The following RIMS2 variants were observed in gnomAD, a reference collection of about 807,000 sequenced individuals.
The protein encoded by RIMS2 is regulating synaptic membrane exocytosis 2, also known as regulating synaptic membrane exocytosis protein 2.
In RIMS2, 59 loss-of-function variants were observed where a neutral mutation model predicts 174.4. That is an observed-to-expected ratio of 0.34 (90% CI 0.27 to 0.42). RIMS2 has a LOEUF of 0.42. RIMS2 is among the 10% of genes least tolerant of loss of function. The pLI, the probability that RIMS2 is intolerant of heterozygous loss-of-function variation, is 1.00. For synonymous variants in RIMS2, 606 were observed against 572.5 expected (o/e 1.06, Z -0.84); for missense variants, 1,620 against 1,666.3 (o/e 0.97, Z 0.48).
chr8:103,604,292 A>G (rs535831620), intron 1 of RIMS2, among the ~76,000 whole-genome samples: 1 of 151,686 alleles, frequency 6.6e-6, no homozygotes, highest in East Asian at 1.9e-4. Flanking sequence ...CAGGTTTGTC[A>G]AAGATCAGAT....
rs181632838 is a variant in RIMS2, at chr8:104,133,487, A to T, written c.3335-111429A>T. 2.5e-3 allele frequency among the ~76,000 whole-genome samples: 376 copies of T among 152,320 alleles called. 2 individuals carry two copies. The highest frequency in any genetic ancestry group is 7.9e-3 in the African/African-American group (327 of 41,584). On this transcript the variant is annotated intron_variant, in intron 19 of 23. Coordinates refer to ENST00000504942, the Ensembl canonical transcript of RIMS2. The stretch of plus-strand genomic sequence containing the variant: ...AGACTGGTATTTGGAAGATAAGGGA[A>T]TTCCTTCTGATATTTTATATTTTAT...
At chr8:103,677,891 C>G (rs1370476096) in intron 1 of RIMS2, among the ~76,000 whole-genome samples, 2 of 151,996 alleles carry the variant, frequency 1.3e-5, no homozygotes, top group Non-Finnish European at 2.9e-5. Flanking sequence ...AGGTGCTTGC[C>G]TTATTTATTT....
At chr8:104,145,127 G>A (rs1021285619) in intron 19 of RIMS2, among the ~76,000 whole-genome samples, 5 of 151,026 alleles carry the variant, frequency 3.3e-5, no homozygotes, top group Non-Finnish European at 5.9e-5. Flanking sequence ...GTCTTATTTT[G>A]TTTTGTTTTT....
intron 2 of RIMS2, among the ~76,000 whole-genome samples, chr8:103,711,148 A>G (rs35880303): frequency 0.18 from 26,779 of 152,046 alleles, 2,561 homozygotes; most frequent in African/African-American, 0.24. Context: ...CAATTGTTCT[A>G]TTTTTCAAAA....
chr8:104,149,629 GACAA>G (rs2098673011), intron 19 of RIMS2, among the ~76,000 whole-genome samples: 1 of 152,048 alleles, frequency 6.6e-6, no homozygotes, highest in South Asian at 2.1e-4. Flanking sequence ...TCTTCTACTT[GACAA>G]ACAAATGCAT....
intron 1 of RIMS2, among the ~76,000 whole-genome samples, chr8:103,544,776 A>G (rs1345946119): frequency 6.6e-6 from 1 of 152,218 alleles, no homozygotes; most frequent in African/African-American, 2.4e-5. Flanking sequence ...CAGTAATCGG[A>G]GGGGGCTCCT....
chr8:103,808,062 T>C (rs1285046631), intron 3 of RIMS2, among the ~76,000 whole-genome samples: 1 of 152,164 alleles, frequency 6.6e-6, no homozygotes, highest in Non-Finnish European at 1.5e-5. Flanking sequence ...ATTCCTAGAC[T>C]ACATTTCATA....
intron 19 of RIMS2, among the ~76,000 whole-genome samples, chr8:104,171,173 A>G (rs2098830039): frequency 6.6e-6 from 1 of 152,108 alleles, no homozygotes; most frequent in Non-Finnish European, 1.5e-5. Flanking sequence ...TTTTGTATTT[A>G]GATGTCCAGA....
chr8:104,201,716 G>A (rs984391388), intron 19 of RIMS2, among the ~76,000 whole-genome samples: 2 of 152,128 alleles, frequency 1.3e-5, no homozygotes, highest in Admixed American at 6.5e-5. Flanking sequence ...ATATAAAAAT[G>A]GGTTCGGGGC....
intron 19 of RIMS2, among the ~76,000 whole-genome samples, chr8:104,138,870 T>C (rs1268900091): frequency 1.3e-5 from 2 of 152,152 alleles, no homozygotes; most frequent in Admixed American, 6.5e-5. Flanking sequence ...GTTTCCCCAA[T>C]GTTTTCTTTT....
At chr8:103,943,520 A>G (rs893159051) in intron 14 of RIMS2, among the ~76,000 whole-genome samples, 2 of 152,192 alleles carry the variant, frequency 1.3e-5, no homozygotes, top group Non-Finnish European at 2.9e-5. Context: ...ATTAGTCTCA[A>G]TAATATAAAC....
intron 19 of RIMS2, among the ~76,000 whole-genome samples, chr8:104,181,277 C>G (rs2098937856): frequency 1.3e-5 from 2 of 151,338 alleles, no homozygotes; most frequent in South Asian, 4.2e-4. Flanking sequence ...TCTAAACATC[C>G]TTAAATTTAA....
intron 1 of RIMS2, chr8:103,568,963 G>A (rs2092598260): frequency 1.5e-6 from 1 of 649,508 alleles, no homozygotes; most frequent in East Asian, 3.2e-5. Flanking sequence ...GTGTCTTACA[G>A]CTGCATGAGC....
chr8:103,927,463 C>G (rs1477413265), intron 10 of RIMS2, among the ~76,000 whole-genome samples: 2 of 151,330 alleles, frequency 1.3e-5, no homozygotes, highest in African/African-American at 2.4e-5. Context: ...TTGCACTATT[C>G]TATTTTTTAT....
chr8:103,870,451 T>G (rs1213832347), intron 3 of RIMS2, among the ~76,000 whole-genome samples: 1 of 152,028 alleles, frequency 6.6e-6, no homozygotes, highest in Non-Finnish European at 1.5e-5. Context: ...TCACACACAT[T>G]AATGGCATAA....
chr8:103,660,142 A>C (rs1314576241), intron 1 of RIMS2, among the ~76,000 whole-genome samples: 1 of 152,102 alleles, frequency 6.6e-6, no homozygotes, highest in Non-Finnish European at 1.5e-5. Flanking sequence ...CACGTCAATT[A>C]CCTGGATGTT....
At chr8:104,034,721 C>A (rs2096479471) in intron 19 of RIMS2, among the ~76,000 whole-genome samples, 1 of 152,014 alleles carries the variant, frequency 6.6e-6, no homozygotes, top group South Asian at 2.1e-4. Context: ...CCACCCACCT[C>A]AGCCTCCCAA....
chr8:104,002,690 G>A (rs1272497181), intron 17 of RIMS2, among the ~76,000 whole-genome samples: 2 of 152,098 alleles, frequency 1.3e-5, no homozygotes, highest in South Asian at 4.1e-4. Context: ...TAAATGAATG[G>A]GATGAAGGTA....
intron 17 of RIMS2, among the ~76,000 whole-genome samples, chr8:103,995,580 A>G (rs1432929225): frequency 2.0e-5 from 3 of 152,088 alleles, no homozygotes; most frequent in African/African-American, 7.2e-5. Flanking sequence ...TTGTACCTAG[A>G]TAAGAGGTAG....
Sources: gnomAD v4.1 joint callset for allele counts (sites outside exome capture counted in the v4.1 genomes callset) on GRCh38, gnomAD v4.1.1 for gene constraint, MANE v1.5 for transcripts, NCBI Gene and HGNC (gene_info 2026-07-23, HGNC 2026-07-21) for gene names.